Variants in CACNG4 observed in about 807,000 individuals in gnomAD.
The protein encoded by CACNG4 is calcium voltage-gated channel auxiliary subunit gamma 4.
In CACNG4, 8 loss-of-function variants were observed where a neutral mutation model predicts 22.9. That is an observed-to-expected ratio of 0.35 (90% CI 0.21 to 0.63). CACNG4 has a LOEUF of 0.63. CACNG4 is among the 30% of genes least tolerant of loss of function. The pLI is 0.72. For synonymous variants in CACNG4, 188 were observed against 191.9 expected (o/e 0.98, Z 0.17); for missense variants, 357 against 455.4 (o/e 0.78, Z 1.97).
Position 67,032,993 on chromosome 17 carries a change from C to T in CACNG4, c.*1989C>T. 1 of 153,152 alleles carries T rather than the reference C, an allele frequency of 6.5e-6. No individual in the cohort carries two copies. Among genetic ancestry groups the T allele is most frequent in the Non-Finnish European group, 1.5e-5 (1 of 68,202 alleles). The allele number at this position is 153,152 out of a possible 1,614,324, so 9.5% of individuals were successfully genotyped here. ...GCTGCCCCAGAAGTTTCTATCATTC[C>T]ATGGAGAAAGCTGTGTTCCAATGAA... On this transcript the variant is annotated 3_prime_UTR_variant, in exon 4 of 4. Transcript: ENST00000262138.
At chr17:67,004,869 G>A (rs1010353034) in intron 1 of CACNG4, among the ~76,000 whole-genome samples, 4 of 152,092 alleles carry the variant, frequency 2.6e-5, no homozygotes, top group African/African-American at 9.7e-5. Context: ...GACTATAAGC[G>A]TGCACCACCA....
At chr17:66,990,109 A>G (rs2035329945) in intron 1 of CACNG4, among the ~76,000 whole-genome samples, 2 of 152,222 alleles carry the variant, frequency 1.3e-5, no homozygotes, top group African/African-American at 4.8e-5. Context: ...TTAAGTCTTC[A>G]AGGATGCAAT....
intron 1 of CACNG4, among the ~76,000 whole-genome samples, chr17:66,988,996 G>T (rs2035321864): frequency 6.7e-6 from 1 of 150,198 alleles, no homozygotes; most frequent in Non-Finnish European, 1.5e-5. Flanking sequence ...AGTAGGTGGA[G>T]GTTGCAGTGA....
intron 1 of CACNG4, among the ~76,000 whole-genome samples, chr17:66,974,113 G>A (rs986568774): frequency 7.9e-5 from 12 of 152,174 alleles, no homozygotes; most frequent in South Asian, 2.1e-4. Context: ...GGACTGGGGC[G>A]GATAGAAAAA....
intron 1 of CACNG4, among the ~76,000 whole-genome samples, chr17:66,998,273 A>T (rs1437866376): frequency 6.6e-6 from 1 of 152,078 alleles, no homozygotes; most frequent in Non-Finnish European, 1.5e-5. Flanking sequence ...CCCAGGCTGA[A>T]GTGCAGTGGT....
intron 1 of CACNG4, among the ~76,000 whole-genome samples, chr17:66,978,428 G>C (rs941322814): frequency 6.6e-6 from 1 of 152,114 alleles, no homozygotes; most frequent in African/African-American, 2.4e-5. Flanking sequence ...TCAGAGGAAG[G>C]GGGGCTTCGG....
At chr17:66,988,545 C>T (rs867324551) in intron 1 of CACNG4, among the ~76,000 whole-genome samples, 2 of 152,276 alleles carry the variant, frequency 1.3e-5, no homozygotes, top group Middle Eastern at 3.4e-3. Flanking sequence ...ATCCCCATCA[C>T]TTGCCCCCTC....
intron 2 of CACNG4, among the ~76,000 whole-genome samples, chr17:67,023,589 A>G (rs1230053545): frequency 2.7e-5 from 2 of 75,272 alleles, no homozygotes; most frequent in African/African-American, 9.5e-5. Context: ...TTTTTTTTTT[A>G]AGACAGAATG....
intron 1 of CACNG4, among the ~76,000 whole-genome samples, chr17:66,996,287 G>C (rs928832718): frequency 1.3e-4 from 19 of 151,898 alleles, no homozygotes; most frequent in African/African-American, 3.6e-4. Context: ...CAGACACAGA[G>C]CCAGGGAGCC....
chr17:67,002,483 GC>G (rs2035413982), intron 1 of CACNG4, among the ~76,000 whole-genome samples: 1 of 152,178 alleles, frequency 6.6e-6, no homozygotes, highest in Non-Finnish European at 1.5e-5. Flanking sequence ...ACTGTTCTCA[GC>G]CCTGGAGGTA....
chr17:66,991,579 C>T (rs911704948), intron 1 of CACNG4, among the ~76,000 whole-genome samples: 3 of 152,162 alleles, frequency 2.0e-5, no homozygotes, highest in African/African-American at 7.2e-5. Context: ...ACTGGCAACA[C>T]CTCCCTACTC....
At chr17:66,980,009 C>T (rs549268211) in intron 1 of CACNG4, among the ~76,000 whole-genome samples, 1 of 152,292 alleles carries the variant, frequency 6.6e-6, no homozygotes, top group Admixed American at 6.5e-5. Flanking sequence ...CCACCTCGGC[C>T]TCCCAAAGTG....
At chr17:66,970,531 G>A (rs2035197388) in intron 1 of CACNG4, among the ~76,000 whole-genome samples, 1 of 152,184 alleles carries the variant, frequency 6.6e-6, no homozygotes, top group Non-Finnish European at 1.5e-5. Context: ...TGTAGCATCA[G>A]CTGCCCCTCA....
chr17:67,030,419 C>A lies in CACNG4; in HGVS notation c.446-47C>A. The A allele has an allele frequency of 1.3e-6, 2 of 1,570,946 alleles. No individual in the cohort carries two copies. The highest frequency in any genetic ancestry group is 1.2e-5 in the South Asian group (1 of 86,664). On this transcript the variant is annotated intron_variant, in intron 3 of 3. Coordinates refer to ENST00000262138, the MANE Select transcript of CACNG4 (RefSeq NM_014405.4). The surrounding 1 kb of genome is among the most constrained non-coding windows in gnomAD (Gnocchi z 6.4). The stretch of plus-strand genomic sequence containing the variant: ...GTCCCACTGTGGGTCTAACCTCTGC[C>A]TCTCTCCCTCCCTGGCCCCGCTCCC...
intron 1 of CACNG4, among the ~76,000 whole-genome samples, chr17:67,014,234 A>G (rs1214600485): frequency 6.6e-6 from 1 of 152,246 alleles, no homozygotes; most frequent in African/African-American, 2.4e-5. Context: ...CCATGTATGG[A>G]GAGCGAACAC....
chr17:67,009,423 G>T (rs565626886), intron 1 of CACNG4, among the ~76,000 whole-genome samples: 2 of 152,156 alleles, frequency 1.3e-5, no homozygotes, highest in South Asian at 2.1e-4. Flanking sequence ...CAAGAACATC[G>T]CTTATCATTG....
chr17:66,993,717 T>C (rs1006013748), intron 1 of CACNG4, among the ~76,000 whole-genome samples: 12 of 152,212 alleles, frequency 7.9e-5, no homozygotes, highest in Non-Finnish European at 1.5e-5. Context: ...GCGATTCTCC[T>C]GCCTCAGCCT....
chr17:66,973,063 T>C (rs570045910), intron 1 of CACNG4, among the ~76,000 whole-genome samples: 1 of 152,204 alleles, frequency 6.6e-6, no homozygotes, highest in South Asian at 2.1e-4. Flanking sequence ...CTGACCAATA[T>C]GGTGAAACCC....
At position 67,030,602 on chromosome 17, in the gene CACNG4, G is replaced by T; in HGVS notation, c.582G>T (p.Val194=). ...SFYFGALSFI[V]AETVGVLAVN... is the part of the protein sequence containing the mutation. Reference sequence around the variant, plus strand: ...ACTTTGGAGCTCTGTCTTTCATTGTGGCTGAGACCGTGGGCGTCCTGGCTG... The same window carrying T: ...ACTTTGGAGCTCTGTCTTTCATTGTTGCTGAGACCGTGGGCGTCCTGGCTG... The change falls in exon 4 of 4, where the codon GTG becomes GTT. Residue 194 remains valine, a synonymous_variant. Transcript: ENST00000262138. The surrounding 1 kb of genome is among the most constrained non-coding windows in gnomAD (Gnocchi z 6.4). The T allele has an allele frequency of 6.2e-7, 1 of 1,614,212 alleles. No homozygotes were observed. Among genetic ancestry groups the T allele is most frequent in the Non-Finnish European group, 8.5e-7 (1 of 1,180,042 alleles).
Sources: allele counts gnomAD v4.1 joint callset (sites outside exome capture counted in the v4.1 genomes callset), GRCh38; gene constraint gnomAD v4.1.1; non-coding constraint Gnocchi (gnomAD v3.1); transcripts MANE v1.5; gene names NCBI Gene and HGNC (gene_info 2026-07-23, HGNC 2026-07-21).